ACOX1: variants seen among roughly 807,000 people sequenced by gnomAD.
ACOX1 encodes the protein acyl-CoA oxidase 1.
ACOX1 carries 41 observed loss-of-function variants against 75.5 expected under a neutral mutation model. That is an observed-to-expected ratio of 0.54 (90% CI 0.42 to 0.70). The LOEUF is 0.70. ACOX1 is among the 30% of genes least tolerant of loss of function. The pLI is 0.00. For synonymous variants in ACOX1, 303 were observed against 298.8 expected, an observed-to-expected ratio of 1.01 and a Z score of -0.15; for missense variants, 630 against 837.5, an observed-to-expected ratio of 0.75 and a Z score of 3.06.
chr17:75,948,132 G>A lies in ACOX1; in HGVS notation c.1935+119C>T, dbSNP rs192054975. On this transcript the variant is annotated intron_variant, in intron 13 of 13. Transcript: ENST00000293217. ...AACCTGTTGCTCAAATAAAGTGACT[G>A]TCAGAAGTGGCCATGGTACTTTCAG... 4 of 986,228 alleles carry A rather than the reference G, an allele frequency of 4.1e-6. No homozygotes were observed. The Admixed American group carries it at 7.9e-5, about 19-fold the overall frequency. 61.1% of individuals were successfully genotyped at this position (986,228 alleles called of 1,614,324 possible).
chr17:75,955,588 T>C lies in ACOX1; in HGVS notation c.752A>G (p.Asn251Ser), dbSNP rs1465040590. Reference protein sequence around the residue: ...KMDNHRIPRENMLMKYAQVKP... With the variant: ...KMDNHRIPRESMLMKYAQVKP... ...TACCTGGGCATACTTCATCAGCATG[T>C]TTTCTCTGGGAATACGATGGTTGTC... The change falls in exon 6 of 14, where the codon AAC (asparagine) becomes AGC (serine). Residue 251 changes from asparagine to serine, a missense_variant. Coordinates refer to ENST00000293217, the MANE Select transcript of ACOX1 (RefSeq NM_004035.7). 1.9e-6 allele frequency: 3 copies of C among 1,614,174 alleles called. No individual in the cohort carries two copies. In the Admixed American group the frequency reaches 5.0e-5, roughly 27 times the overall value.
intron 2 of ACOX1, chr17:75,973,741 G>T: frequency 6.2e-7 from 1 of 1,614,100 alleles, no homozygotes; most frequent in Non-Finnish European, 8.5e-7. Context: ...AATAAACATG[G>T]AGTAATTGAG....
chr17:75,959,680 G>GT (rs1472246764), intron 3 of ACOX1, among the ~76,000 whole-genome samples: 10 of 152,122 alleles, frequency 6.6e-5, no homozygotes, highest in African/African-American at 2.2e-4. Context: ...GCTTATCTTG[G>GT]TTTTTTCACT....
chr17:75,976,618 AAAAT>A (rs1376107267), intron 2 of ACOX1, among the ~76,000 whole-genome samples: 1 of 152,210 alleles, frequency 6.6e-6, no homozygotes, highest in Admixed American at 6.6e-5. Flanking sequence ...TGAACTACCA[AAAAT>A]AAATAAACAA....
intron 12 of ACOX1, among the ~76,000 whole-genome samples, chr17:75,948,850 ATTTT>A (rs2065746721): frequency 1.5e-5 from 2 of 134,054 alleles, no homozygotes; most frequent in African/African-American, 6.1e-5. Context: ...GTGCCTGGCT[ATTTT>A]TCTTTTTCTT....
Position 75,943,532 on chromosome 17 carries a change from A to T in ACOX1, c.*3216T>A, listed in dbSNP as rs2065693332. 6.6e-6 allele frequency: 1 copy of T among 152,068 alleles called. No individual in the cohort carries two copies. Among genetic ancestry groups the T allele is most frequent in the South Asian group, 2.1e-4 (1 of 4,820 alleles). The allele number at this position is 152,068 out of a possible 1,614,324, so 9.4% of individuals were successfully genotyped here. On this transcript the variant is annotated 3_prime_UTR_variant, in exon 14 of 14. Coordinates refer to ENST00000293217, the MANE Select transcript of ACOX1 (RefSeq NM_004035.7). ...CAGCCTGGGTGAGAGTGAGACCCTC[A>T]TGGGGTGGAAAAAAAAGATCTAACA... is the stretch of plus-strand genomic sequence containing the variant.
At chr17:75,948,862 CT>C (rs34512190) in intron 12 of ACOX1, among the ~76,000 whole-genome samples, 247 of 125,156 alleles carry the variant, frequency 2.0e-3, no homozygotes, top group Non-Finnish European at 2.2e-3. Flanking sequence ...TTTTCTTTTT[CT>C]TTTTTTTTTT....
At chr17:75,965,120 G>C (rs776875908) in intron 2 of ACOX1, among the ~76,000 whole-genome samples, 3 of 152,014 alleles carry the variant, frequency 2.0e-5, no homozygotes, top group Non-Finnish European at 4.4e-5. Flanking sequence ...GGCGCATCAC[G>C]AGGTCAGGAG....
At chr17:75,958,539 T>TG (rs2065855936) in intron 3 of ACOX1, among the ~76,000 whole-genome samples, 1 of 147,612 alleles carries the variant, frequency 6.8e-6, no homozygotes, top group African/African-American at 2.5e-5. Context: ...CTGGGCACGG[T>TG]GGCTCACGCC....
chr17:75,967,925 A>G (rs2065954199), intron 2 of ACOX1, among the ~76,000 whole-genome samples: 1 of 149,710 alleles, frequency 6.7e-6, no homozygotes, highest in Non-Finnish European at 1.5e-5. Context: ...TTTTTAGTAC[A>G]GACAGGTTTC....
intron 2 of ACOX1, among the ~76,000 whole-genome samples, chr17:75,967,081 C>CA (rs779169341): frequency 5.9e-4 from 77 of 131,554 alleles, no homozygotes; most frequent in East Asian, 3.4e-3. Context: ...AAAAGAAGTA[C>CA]AAAAAAAAAA....
At position 75,949,227 on chromosome 17, in the gene ACOX1, TC is replaced by T. The variant is rs1292759098; in HGVS notation, c.1717del (p.Asp573IlefsTer8). The T allele has an allele frequency of 5.0e-6, 8 of 1,613,900 alleles. No individual in the cohort carries two copies. Among genetic ancestry groups the T allele is most frequent in the African/African-American group, 4.0e-5 (3 of 74,846 alleles). On this transcript the variant is annotated frameshift_variant, in exon 12 of 14. Transcript: ENST00000293217. LOFTEE classifies it high-confidence loss of function. Reference protein sequence around the residue: ...SLYGISQNAGDFLQGSIMTEP... With the variant: ...SLYGISQNAGXFLQGSIMTEP... ...TTAGAAAATACTGACCTGAAGGAAATCCCCCGCGTTCTGACTGATTCCATAC... is the reference window on the plus strand; with the variant it reads ...TTAGAAAATACTGACCTGAAGGAAATCCCCGCGTTCTGACTGATTCCATAC...
At position 75,979,057 on chromosome 17, in the gene ACOX1, C is replaced by T; in HGVS notation, c.17G>A (p.Arg6His). ...GAAGCTGGCGGAATCCCGCTCCCTG[C>T]GCAGGTCCGGGTTCATGGCGACGAC... Reference protein sequence around the residue: MNPDLRRERDSASFNP... With the variant: MNPDLHRERDSASFNP... Residue 6 changes from arginine (R) to histidine (H), a missense_variant, in exon 1 of 14, where the codon CGC becomes CAC. Arg to His is a conservative substitution (Grantham distance 29). This residue lies in a region of ACOX1 where 390 missense variants were observed against 574.9 expected (regional missense o/e 0.68). Transcript: ENST00000293217. 1.9e-6 allele frequency: 3 copies of T among 1,612,046 alleles called. No homozygotes were observed. The highest frequency in any genetic ancestry group is 2.2e-5 in the East Asian group (1 of 44,880).
intron 8 of ACOX1, 42 bp from the exon 9 acceptor site, chr17:75,951,006 T>C (rs933410599): frequency 6.2e-7 from 1 of 1,600,054 alleles, no homozygotes; most frequent in African/African-American, 1.3e-5. Flanking sequence ...TCTGTGGTGC[T>C]GAGAGCCCGA....
intron 7 of ACOX1, among the ~76,000 whole-genome samples, chr17:75,952,533 A>G (rs1399350778): frequency 3.3e-5 from 5 of 151,978 alleles, no homozygotes; most frequent in African/African-American, 9.6e-5. Context: ...ACTTCAAGTG[A>G]TCCACCCGCT....
intron 13 of ACOX1, among the ~76,000 whole-genome samples, chr17:75,947,708 A>G (rs1288306289): frequency 7.2e-6 from 1 of 138,522 alleles, no homozygotes; most frequent in Middle Eastern, 3.7e-3. Context: ...GTGTGTGTGT[A>G]TACTTTTTTT....
At chr17:75,956,961 CTCTCTCTCTCTA>C (rs2065835141) in intron 4 of ACOX1, among the ~76,000 whole-genome samples, 4 of 22,214 alleles carry the variant, frequency 1.8e-4, no homozygotes, top group South Asian at 2.4e-3. Flanking sequence ...CTCTCTCTCT[CTCTCTCTCTCTA>C]TATATATATA....
rs952488122 is a variant in ACOX1 at position 75,946,858 on chromosome 17, TTTTTTG to T, written c.1936-69_1936-64del. 268 of 1,521,866 alleles carry T rather than the reference TTTTTTG, an allele frequency of 1.8e-4. 1 individual carries two copies. Among genetic ancestry groups the T allele is most frequent in the Middle Eastern group, 8.5e-4 (5 of 5,898 alleles). The allele number at this position is 1,521,866 out of a possible 1,614,324, so 94.3% of individuals were successfully genotyped here. A position where few individuals can be genotyped will look rare whatever the true frequency, so the allele number is the denominator to read the frequency against. ...GTTTGCCATGTTAAATAGTATACTG[TTTTTTG>T]TTTTTGTTTTTGTTTTTTTTTTGAG... On this transcript the variant is annotated intron_variant, in intron 13 of 13. Coordinates refer to ENST00000293217, the MANE Select transcript of ACOX1 (RefSeq NM_004035.7).
intron 7 of ACOX1, among the ~76,000 whole-genome samples, chr17:75,952,671 A>G (rs1366482890): frequency 6.6e-6 from 1 of 151,886 alleles, no homozygotes; most frequent in East Asian, 1.9e-4. Context: ...CTCTACTAAA[A>G]ATACAAAAAT....
Sources: allele counts gnomAD v4.1 joint callset (sites outside exome capture counted in the v4.1 genomes callset), GRCh38; gene constraint gnomAD v4.1.1; regional missense constraint gnomAD v4.1.1; transcripts MANE v1.5; gene names NCBI Gene and HGNC (gene_info 2026-07-23, HGNC 2026-07-21).